Variants in GMDS observed in about 807,000 individuals in gnomAD.
The protein encoded by GMDS is GDP-mannose 4,6-dehydratase, also known as GDP-mannose 4,6 dehydratase.
A neutral mutation model predicts 49.9 loss-of-function variants in GMDS; 20 were observed. The observed-to-expected ratio is 0.40, with a 90% CI of 0.28 to 0.58. The LOEUF is 0.58. Ranked by LOEUF, GMDS falls within the 20% of genes least tolerant of loss-of-function variation. GMDS has a pLI of 0.42. For missense variants in GMDS, 362 were observed against 481.4 expected (o/e 0.75, Z 2.32); for synonymous variants, 177 against 178.6 (o/e 0.99, Z 0.07).
chr6:1,864,792 C>T (rs1455292485), intron 7 of GMDS, among the ~76,000 whole-genome samples: 1 of 152,144 alleles, frequency 6.6e-6, no homozygotes, highest in Non-Finnish European at 1.5e-5. Flanking sequence ...TCAGGCTAAG[C>T]TGAGCAGCAA....
chr6:2,115,059 C>T (rs1774767525), intron 4 of GMDS, among the ~76,000 whole-genome samples: 2 of 152,146 alleles, frequency 1.3e-5, no homozygotes, highest in African/African-American at 4.8e-5. Context: ...GTCCACTAAC[C>T]ATCCTGTCTG....
intron 7 of GMDS, among the ~76,000 whole-genome samples, chr6:1,834,537 T>C (rs752247055): frequency 2.6e-5 from 4 of 152,174 alleles, no homozygotes; most frequent in African/African-American, 9.7e-5. Flanking sequence ...TTTACAGTGC[T>C]TTTGTAAGAT....
intron 7 of GMDS, among the ~76,000 whole-genome samples, chr6:1,887,246 A>T (rs1275745405): frequency 6.6e-6 from 1 of 150,594 alleles, no homozygotes; most frequent in Non-Finnish European, 1.5e-5. Context: ...ATACTTGGAG[A>T]GGTTTACAAA....
chr6:1,914,446 A>C (rs201438254), intron 7 of GMDS, among the ~76,000 whole-genome samples: 2 of 150,736 alleles, frequency 1.3e-5, no homozygotes, highest in East Asian at 3.9e-4. Context: ...CAGCCTGGGC[A>C]ACAGAGCAAG....
chr6:2,239,558 T>C (rs1781516348), intron 1 of GMDS, among the ~76,000 whole-genome samples: 1 of 152,186 alleles, frequency 6.6e-6, no homozygotes, highest in African/African-American at 2.4e-5. Flanking sequence ...TGTAAGGCTA[T>C]ACAATTAATT....
At chr6:1,949,771 C>T (rs908645746) in intron 6 of GMDS, among the ~76,000 whole-genome samples, 1 of 152,152 alleles carries the variant, frequency 6.6e-6, no homozygotes, top group African/African-American at 2.4e-5. Flanking sequence ...CCAAGAGTAG[C>T]GGCCAACAAT....
chr6:2,022,067 T>C (rs965306843), intron 4 of GMDS, among the ~76,000 whole-genome samples: 29 of 152,172 alleles, frequency 1.9e-4, no homozygotes, highest in Non-Finnish European at 2.9e-5. Flanking sequence ...TTTTATAGCC[T>C]GACAGGCTGC....
intron 4 of GMDS, among the ~76,000 whole-genome samples, chr6:2,037,034 A>G (rs1360709176): frequency 2.2e-4 from 33 of 152,128 alleles, no homozygotes; most frequent in Admixed American, 2.2e-3. Context: ...AAAAGGAGGG[A>G]GCCCTTGGTA....
At chr6:1,981,041 T>C (rs1278237080) in intron 4 of GMDS, among the ~76,000 whole-genome samples, 1 of 152,128 alleles carries the variant, frequency 6.6e-6, no homozygotes, top group East Asian at 1.9e-4. Context: ...CGGCTAAAGC[T>C]GTGTTAAAAG....
At chr6:2,115,664 A>C in intron 4 of GMDS, 107 bp downstream of exon 4, 1 of 687,812 alleles carries the variant, frequency 1.5e-6, no homozygotes, top group Non-Finnish European at 2.7e-6. Context: ...ATTCAACTTG[A>C]AGACTAAGAC....
At chr6:1,999,150 C>T (rs556897767) in intron 4 of GMDS, among the ~76,000 whole-genome samples, 7 of 151,890 alleles carry the variant, frequency 4.6e-5, no homozygotes, top group East Asian at 1.9e-4. Flanking sequence ...GGTGAAACCC[C>T]GTCTCTACTA....
At chr6:2,105,113 C>T (rs1581656484) in intron 4 of GMDS, among the ~76,000 whole-genome samples, 1 of 135,548 alleles carries the variant, frequency 7.4e-6, no homozygotes, top group East Asian at 2.4e-4. Context: ...ACCCGGGAGG[C>T]GGAGCTTGCA....
chr6:2,062,831 C>T (rs1771270500), intron 4 of GMDS, among the ~76,000 whole-genome samples: 1 of 152,176 alleles, frequency 6.6e-6, no homozygotes, highest in Non-Finnish European at 1.5e-5. Flanking sequence ...CTCATGACTA[C>T]CTGTGATTTG....
chr6:2,244,943 T>C (rs184621155), intron 1 of GMDS, among the ~76,000 whole-genome samples: 15 of 152,168 alleles, frequency 9.9e-5, no homozygotes, highest in Admixed American at 3.3e-4. Context: ...ACCCGCAAGT[T>C]CATTGATCAC....
At chr6:1,854,911 A>C (rs759540443) in intron 7 of GMDS, among the ~76,000 whole-genome samples, 1 of 152,240 alleles carries the variant, frequency 6.6e-6, no homozygotes, top group Non-Finnish European at 1.5e-5. Flanking sequence ...AAGATGAGAA[A>C]TAAGCCATTC....
intron 4 of GMDS, among the ~76,000 whole-genome samples, chr6:2,048,973 G>A (rs1770193235): frequency 1.3e-5 from 2 of 152,124 alleles, no homozygotes; most frequent in South Asian, 4.1e-4. Flanking sequence ...ATGAGGGTGG[G>A]GGACTCCACA....
At chr6:1,771,563 G>A (rs1561793973) in intron 7 of GMDS, among the ~76,000 whole-genome samples, 1 of 152,326 alleles carries the variant, frequency 6.6e-6, no homozygotes, top group East Asian at 1.9e-4. Context: ...CATTTCCTCT[G>A]AGTAAATTGG....
chr6:1,781,853 C>A (rs1363198132), intron 7 of GMDS, among the ~76,000 whole-genome samples: 2 of 146,562 alleles, frequency 1.4e-5, no homozygotes, highest in African/African-American at 5.1e-5. Flanking sequence ...CCTCTCAAAC[C>A]AACTTTTTTT....
At chr6:1,630,687 T>C (rs1762973705) in intron 9 of GMDS, among the ~76,000 whole-genome samples, 1 of 152,236 alleles carries the variant, frequency 6.6e-6, no homozygotes, top group Non-Finnish European at 1.5e-5. Context: ...ATCATACCTA[T>C]TTACAAGGTG....
Sources: gnomAD v4.1 joint callset for allele counts (sites outside exome capture counted in the v4.1 genomes callset) on GRCh38, gnomAD v4.1.1 for gene constraint, MANE v1.5 for transcripts, NCBI Gene and HGNC (gene_info 2026-07-23, HGNC 2026-07-21) for gene names.